SLC6A15: variants seen among roughly 807,000 people sequenced by gnomAD.
SLC6A15 encodes the protein solute carrier family 6 member 15.
SLC6A15 carries 33 observed loss-of-function variants against 68.5 expected under a neutral mutation model. The ratio of observed to expected loss-of-function variants is 0.48; its 90% CI spans 0.37 to 0.64. The LOEUF is 0.64. Among genes scored for constraint, SLC6A15 ranks in the 30% least tolerant of loss-of-function variants. The pLI is 0.00. For synonymous variants in SLC6A15, 347 were observed against 301.0 expected, an observed-to-expected ratio of 1.15 and a Z score of -1.58; for missense variants, 747 against 874.3, an observed-to-expected ratio of 0.85 and a Z score of 1.84.
rs542582159 is a variant in SLC6A15, at chr12:84,859,841, T to A, written c.*1791A>T. 6.6e-6 allele frequency: 1 copy of A among 152,158 alleles called. No homozygotes were observed. The highest frequency in any genetic ancestry group is 2.1e-4 in the South Asian group (1 of 4,832). The allele number at this position is 152,158 out of a possible 1,614,324, so 9.4% of individuals were successfully genotyped here. A position where few individuals can be genotyped will look rare whatever the true frequency, so the allele number is the denominator to read the frequency against. ...TAGGTAAGATATAGAAGAGAGAATA[T>A]AGAATGCTGTCATTTATGTAATATA... On this transcript the variant is annotated 3_prime_UTR_variant, in exon 12 of 12. Transcript: ENST00000266682.
In SLC6A15 at chr12:84,892,114, T is replaced by G. The variant is rs750214089; in HGVS notation, c.7A>C (p.Lys3Gln). Residue 3 changes from lysine (K) to glutamine (Q), a missense_variant, in exon 2 of 12, where the codon AAA becomes CAA. Coordinates refer to ENST00000266682, the MANE Select transcript of SLC6A15 (RefSeq NM_182767.6). MPKNSKVVKRELD... is the reference protein window; with the variant it reads MPQNSKVVKRELD... Reference sequence around the variant, plus strand: ...TCTCTTTTTACCACCTTGCTATTTTTGGGCATTGGAGAGTATGCGAAGTAT... The same window carrying G: ...TCTCTTTTTACCACCTTGCTATTTTGGGGCATTGGAGAGTATGCGAAGTAT... 1.9e-6 allele frequency: 3 copies of G among 1,605,236 alleles called. No individual in the cohort carries two copies. Among genetic ancestry groups the G allele is most frequent in the Admixed American group, 3.4e-5 (2 of 59,264 alleles).
intron 1 of SLC6A15, among the ~76,000 whole-genome samples, chr12:84,909,889 T>G (rs1427228136): frequency 6.6e-6 from 1 of 152,194 alleles, no homozygotes; most frequent in East Asian, 1.9e-4. Context: ...ATACAAATTA[T>G]ATTTTATGAC....
intron 1 of SLC6A15, among the ~76,000 whole-genome samples, chr12:84,893,864 T>C (rs1872529468): frequency 6.6e-6 from 1 of 152,162 alleles, no homozygotes; most frequent in African/African-American, 2.4e-5. Flanking sequence ...TTGGTGAAGA[T>C]TAAGAGAAAA....
chr12:84,895,902 T>C (rs906020595), intron 1 of SLC6A15, among the ~76,000 whole-genome samples: 24 of 151,956 alleles, frequency 1.6e-4, no homozygotes, highest in Middle Eastern at 3.4e-3. Flanking sequence ...TCCATAAACA[T>C]AGACAAAAAA....
chr12:84,884,465 C>A (rs993112710), intron 4 of SLC6A15, among the ~76,000 whole-genome samples: 5 of 152,038 alleles, frequency 3.3e-5, no homozygotes, highest in South Asian at 4.1e-4. Context: ...GCCACCAAAC[C>A]GAGCTAATTT....
intron 2 of SLC6A15, among the ~76,000 whole-genome samples, chr12:84,887,863 A>G (rs1383944620): frequency 1.3e-5 from 2 of 152,114 alleles, no homozygotes; most frequent in African/African-American, 4.8e-5. Context: ...AACTGAAAGT[A>G]GATCTACATT....
chr12:84,876,701 CTG>C, intron 5 of SLC6A15, 94 bp from the exon 6 acceptor site: 1 of 552,668 alleles, frequency 1.8e-6, no homozygotes, highest in Non-Finnish European at 3.1e-6. Flanking sequence ...TTGACAGTCA[CTG>C]TTTCATGACA....
intron 4 of SLC6A15, among the ~76,000 whole-genome samples, chr12:84,884,959 T>C (rs558102176): frequency 6.6e-6 from 1 of 151,904 alleles, no homozygotes; most frequent in Non-Finnish European, 1.5e-5. Context: ...TTACAATCTA[T>C]GTTTACTAGA....
At position 84,861,828 on chromosome 12, in the gene SLC6A15, G is replaced by C. The variant is rs759636605; in HGVS notation, c.1997C>G (p.Pro666Arg). ...TYKRGRVLKE[P>R]VNLEGDDTSL... ...TGTATCATCGCCCTCTAAGTTCACA[G>C]GCTCTTTCAGGACCCTTCCTCTCTT... The change falls in exon 12 of 12, where the codon CCT (proline) becomes CGT (arginine). Residue 666 changes from proline to arginine, a missense_variant. Physicochemically the swap from Pro to Arg is moderately radical, Grantham distance 103 (BLOSUM62 -2). Transcript: ENST00000266682. The C allele has an allele frequency of 2.0e-5, 33 of 1,613,900 alleles. No individual in the cohort carries two copies. The highest frequency in any genetic ancestry group is 2.5e-5 in the Non-Finnish European group (30 of 1,179,902).
intron 1 of SLC6A15, among the ~76,000 whole-genome samples, chr12:84,894,039 T>C (rs981831340): frequency 6.6e-6 from 1 of 152,146 alleles, no homozygotes; most frequent in Non-Finnish European, 1.5e-5. Context: ...CAGTGACTAT[T>C]TCACAGAGGC....
In SLC6A15 at chr12:84,872,729, T is replaced by C. The variant is rs747762971; in HGVS notation, c.1175A>G (p.His392Arg). Residue 392 changes from histidine to arginine, a missense_variant, in exon 8 of 12, where the codon CAT becomes CGT. By Grantham distance (29) the His-to-Arg change is conservative. Coordinates refer to ENST00000266682, the MANE Select transcript of SLC6A15 (RefSeq NM_182767.6). Reference sequence around the variant, plus strand: ...TGCAGTAACAGTTGAAAGGTTGATATGATGGGGAATAATATCCTGACTAAT... The same window carrying C: ...TGCAGTAACAGTTGAAAGGTTGATACGATGGGGAATAATATCCTGACTAAT... The part of the protein sequence containing the change: ...GNISQDIIPH[H>R]INLSTVTAED... 7.4e-6 allele frequency: 12 copies of C among 1,613,122 alleles called. No individual in the cohort carries two copies. The highest frequency in any genetic ancestry group is 1.3e-5 in the African/African-American group (1 of 74,920).
intron 4 of SLC6A15, among the ~76,000 whole-genome samples, chr12:84,884,399 G>C (rs755495050): frequency 2.0e-5 from 3 of 151,866 alleles, no homozygotes; most frequent in African/African-American, 7.3e-5. Flanking sequence ...TCTGCCTCCC[G>C]GATTCAAGTG....
At position 84,894,902 on chromosome 12, in the gene SLC6A15, C is replaced by T. The variant is rs547029589; in HGVS notation, c.-188-2594G>A. Among the ~76,000 whole-genome samples, 9 of 151,892 alleles carry T rather than the reference C, an allele frequency of 5.9e-5. No individual in the cohort carries two copies. The East Asian group carries it at 9.7e-4, about 16-fold the overall frequency. On this transcript the variant is annotated intron_variant, in intron 1 of 11. Coordinates refer to ENST00000266682, the MANE Select transcript of SLC6A15 (RefSeq NM_182767.6). The stretch of plus-strand genomic sequence containing the variant: ...ATAAATAAATATATACTACAGATAT[C>T]GTATAACAACTCTAGCCAAACTTTA...
In SLC6A15 at chr12:84,883,988, C is replaced by T. The variant is rs753674399; in HGVS notation, c.627G>A (p.Arg209=). Residue 209 remains arginine, a synonymous_variant, in exon 5 of 12, where the codon AGG becomes AGA. Coordinates refer to ENST00000266682, the MANE Select transcript of SLC6A15 (RefSeq NM_182767.6). ...QSSATTYYWY[R]EALNISSSIS... ...TGGAACTTGAAATATTCAGTGCTTCCCTGTACCAGTAATAGGTGGTGGCAG... is the reference window on the plus strand; with the variant it reads ...TGGAACTTGAAATATTCAGTGCTTCTCTGTACCAGTAATAGGTGGTGGCAG... The T allele has an allele frequency of 4.3e-6, 7 of 1,614,044 alleles. No homozygotes were observed. Among genetic ancestry groups the T allele is most frequent in the Non-Finnish European group, 5.9e-6 (7 of 1,180,046 alleles).
At chr12:84,876,137 C>T (rs1347449642) in intron 6 of SLC6A15, among the ~76,000 whole-genome samples, 18 of 150,864 alleles carry the variant, frequency 1.2e-4, no homozygotes, top group African/African-American at 4.4e-4. Flanking sequence ...CAAAGGGATC[C>T]ATGACACAAA....
intron 6 of SLC6A15, among the ~76,000 whole-genome samples, chr12:84,873,765 C>T (rs529939596): frequency 1.2e-4 from 19 of 152,104 alleles, no homozygotes; most frequent in African/African-American, 4.3e-4. Context: ...ATCTAATGGT[C>T]GAAGCAGAAA....
chr12:84,885,610 A>G (rs1273254711), intron 3 of SLC6A15, 49 bp from the exon 4 acceptor site: 1 of 1,554,290 alleles, frequency 6.4e-7, no homozygotes, highest in African/African-American at 1.4e-5. Context: ...CTCTTCCATT[A>G]AAAGAATGAG....
chr12:84,878,006 C>T (rs1175693916), intron 5 of SLC6A15, among the ~76,000 whole-genome samples: 1 of 151,986 alleles, frequency 6.6e-6, no homozygotes, highest in Non-Finnish European at 1.5e-5. Context: ...GGAAAAAGTG[C>T]CATAGCAGAT....
intron 5 of SLC6A15, among the ~76,000 whole-genome samples, chr12:84,879,067 G>C (rs1027984581): frequency 1.3e-5 from 2 of 151,862 alleles, no homozygotes; most frequent in Admixed American, 1.3e-4. Context: ...AGAGTCCACA[G>C]AGCCTCCAAT....
Sources: gnomAD v4.1 joint callset for allele counts (sites outside exome capture counted in the v4.1 genomes callset) on GRCh38, gnomAD v4.1.1 for gene constraint, MANE v1.5 for transcripts, NCBI Gene and HGNC (gene_info 2026-07-23, HGNC 2026-07-21) for gene names.